KDR: variants seen among roughly 807,000 people sequenced by gnomAD.
KDR encodes kinase insert domain receptor.
A neutral mutation model predicts 160.9 loss-of-function variants in KDR; 43 were observed. That is an observed-to-expected ratio of 0.27 (90% CI 0.21 to 0.34). The LOEUF (loss-of-function observed/expected upper bound fraction) is 0.34, where lower values mean the gene tolerates loss of function less well. Ranked by LOEUF, KDR falls within the 10% of genes least tolerant of loss-of-function variation. The pLI is 1.00. For missense variants in KDR, 1,469 were observed against 1,666.4 expected, an observed-to-expected ratio of 0.88 and a Z score of 2.06; for synonymous variants, 617 against 600.1, an observed-to-expected ratio of 1.03 and a Z score of -0.41.
chr4:55,086,544 C>T (rs1719869072), intron 27 of KDR, among the ~76,000 whole-genome samples: 1 of 152,184 alleles, frequency 6.6e-6, no homozygotes, highest in African/African-American at 2.4e-5. Context: ...TTGTTTCTAC[C>T]TTGCCTGACT....
At chr4:55,109,170 C>T (rs751420740) in intron 9 of KDR, among the ~76,000 whole-genome samples, 2 of 151,974 alleles carry the variant, frequency 1.3e-5, no homozygotes, top group Non-Finnish European at 2.9e-5. Context: ...GCAACCTCCA[C>T]CTCCTGGGTT....
chr4:55,090,093 A>G lies in KDR; in HGVS notation c.3070-15T>C. 1 of 1,613,826 alleles carries G rather than the reference A, an allele frequency of 6.2e-7. No homozygotes were observed. Among genetic ancestry groups the G allele is most frequent in the Non-Finnish European group, 8.5e-7 (1 of 1,179,834 alleles). On this transcript the variant is annotated splice_polypyrimidine_tract_variant and intron_variant, in intron 22 of 29. Transcript: ENST00000263923. ...CTGTGGATACACTGCAAAGAGAATC[A>G]TGTGTGCATTAGGTCTCGGCACAGC...
chr4:55,115,873 G>A (rs1352769713), intron 3 of KDR, among the ~76,000 whole-genome samples: 3 of 152,080 alleles, frequency 2.0e-5, no homozygotes, highest in African/African-American at 7.2e-5. Context: ...GGTAAATAAT[G>A]TAAATTCCAT....
chr4:55,094,626 C>T (rs112119682), intron 21 of KDR, among the ~76,000 whole-genome samples, 176 bp downstream of exon 21: 32 of 152,294 alleles, frequency 2.1e-4, no homozygotes, highest in African/African-American at 7.5e-4. Context: ...TCTAGGGCTT[C>T]CACACTTCAC....
rs1252246435 is a variant in KDR, at chr4:55,121,171, A to C, written c.87T>G (p.Leu29=). 6.2e-7 allele frequency: 1 copy of C among 1,613,580 alleles called. No homozygotes were observed. The highest frequency in any genetic ancestry group is 8.5e-7 in the Non-Finnish European group (1 of 1,179,650). Residue 29 remains leucine, a synonymous_variant, in exon 2 of 30, where the codon CTT becomes CTG. Transcript: ENST00000263923. The part of the protein sequence containing the change: ...AASVGLPSVS[L]DLPRLSIQKD... ...TTTGTATGCTGAGCCTGGGCAGATC[A>C]AGAGAAACACTAGGCAAACCTAGAA...
chr4:55,125,353 C>G lies in KDR; in HGVS notation c.-60G>C. On this transcript the variant is annotated 5_prime_UTR_variant, in exon 1 of 30. Transcript: ENST00000263923. Reference sequence around the variant, plus strand: ...CGGGAGCCGGTTCTTTCTCCCAGCGCCTGTCTAGAGAAGGAGGCGCGGAGG... The same window carrying G: ...CGGGAGCCGGTTCTTTCTCCCAGCGGCTGTCTAGAGAAGGAGGCGCGGAGG... 1 of 1,556,286 alleles carries G rather than the reference C, an allele frequency of 6.4e-7. No homozygotes were observed. Among genetic ancestry groups the G allele is most frequent in the Non-Finnish European group, 8.7e-7 (1 of 1,148,658 alleles).
At chr4:55,105,550 C>A (rs1187976537) in intron 12 of KDR, among the ~76,000 whole-genome samples, 3 of 152,150 alleles carry the variant, frequency 2.0e-5, no homozygotes, top group African/African-American at 4.8e-5. Context: ...AGGCACTGTG[C>A]CAGACTCTGA....
chr4:55,103,944 AG>A (rs1195760590), intron 13 of KDR, among the ~76,000 whole-genome samples: 1 of 152,138 alleles, frequency 6.6e-6, no homozygotes, highest in African/African-American at 2.4e-5. Context: ...AGGTTAGACA[AG>A]GGGTAGACAG....
intron 5 of KDR, 108 bp downstream of exon 5, chr4:55,114,766 C>G: frequency 2.0e-6 from 2 of 988,022 alleles, no homozygotes; most frequent in South Asian, 2.7e-5. Flanking sequence ...AACACCATAT[C>G]CTGAGTTCCT....
chr4:55,110,824 T>C lies in KDR; in HGVS notation c.977-56A>G, dbSNP rs1720563757. On this transcript the variant is annotated intron_variant, in intron 7 of 29. Transcript: ENST00000263923. Reference sequence around the variant, plus strand: ...ACTTACTGTAAATGGTCATTTGATTTAGTTTTTCATTTCAAGTGAAACGTC... The same window carrying C: ...ACTTACTGTAAATGGTCATTTGATTCAGTTTTTCATTTCAAGTGAAACGTC... The C allele has an allele frequency of 5.0e-6, 7 of 1,407,998 alleles. No homozygotes were observed. The South Asian group carries it at 8.3e-5, about 17-fold the overall frequency. 87.2% of individuals were successfully genotyped at this position (1,407,998 alleles called of 1,614,324 possible).
chr4:55,090,584 A>G (rs1719988682), intron 22 of KDR, among the ~76,000 whole-genome samples: 1 of 152,136 alleles, frequency 6.6e-6, no homozygotes, highest in African/African-American at 2.4e-5. Flanking sequence ...GCTTCCCCTG[A>G]TTTCAAAGTG....
At chr4:55,094,430 G>A (rs965621976) in intron 21 of KDR, among the ~76,000 whole-genome samples, 5 of 152,152 alleles carry the variant, frequency 3.3e-5, no homozygotes, top group Admixed American at 6.5e-5. Flanking sequence ...AGCATGCAAC[G>A]TGGGGCAAAC....
intron 4 of KDR, 41 bp from the exon 5 acceptor site, chr4:55,115,083 CA>C (rs2110031878): frequency 6.6e-7 from 1 of 1,524,924 alleles, no homozygotes; most frequent in Non-Finnish European, 9.1e-7. Flanking sequence ...AATCCAGTAC[CA>C]AAAATGAGAG....
At chr4:55,113,264 CT>C in intron 7 of KDR, 39 bp downstream of exon 7, 14 of 1,591,236 alleles carry the variant, frequency 8.8e-6, no homozygotes, top group Non-Finnish European at 1.2e-5. Flanking sequence ...AATTATCTCA[CT>C]TGTCAAGGCA....
intron 7 of KDR, among the ~76,000 whole-genome samples, chr4:55,111,977 C>A (rs567378708): frequency 6.6e-6 from 1 of 152,142 alleles, no homozygotes; most frequent in East Asian, 1.9e-4. Context: ...TAAAATTTCA[C>A]TGTATTGATG....
At chr4:55,092,828 T>C (rs982682049) in intron 21 of KDR, 114 bp from the exon 22 acceptor site, 4 of 753,542 alleles carry the variant, frequency 5.3e-6, no homozygotes, top group African/African-American at 3.5e-5. Flanking sequence ...TTTTAGGAAA[T>C]AGAAGCAGAG....
chr4:55,100,013 T>C (rs1720269724), intron 15 of KDR, among the ~76,000 whole-genome samples: 1 of 151,910 alleles, frequency 6.6e-6, no homozygotes, highest in Non-Finnish European at 1.5e-5. Context: ...CAGCTCTGAG[T>C]GGAAGAAACA....
intron 26 of KDR, 63 bp downstream of exon 26, chr4:55,088,805 A>T: frequency 9.4e-7 from 1 of 1,066,238 alleles, no homozygotes; most frequent in South Asian, 1.3e-5. Flanking sequence ...CAGTTCAGGC[A>T]GTAGGAAAGT....
intron 27 of KDR, 31 bp from the exon 28 acceptor site, chr4:55,082,666 G>T: frequency 6.4e-7 from 1 of 1,557,654 alleles, no homozygotes; most frequent in Non-Finnish European, 8.9e-7. Context: ...ATATTTTAGT[G>T]GTGGTATATT....
Sources: allele counts gnomAD v4.1 joint callset (sites outside exome capture counted in the v4.1 genomes callset), GRCh38; gene constraint gnomAD v4.1.1; transcripts MANE v1.5; gene names NCBI Gene and HGNC (gene_info 2026-07-23, HGNC 2026-07-21).